LMLN: variants seen among roughly 807,000 people sequenced by gnomAD.
LMLN encodes leishmanolysin-like peptidase.
LMLN carries 70 observed loss-of-function variants against 92.3 expected under a neutral mutation model. The ratio of observed to expected loss-of-function variants is 0.76; its 90% CI spans 0.63 to 0.92. The LOEUF is 0.92. LMLN is among the 40% of genes least tolerant of loss of function. The pLI is 0.00. For synonymous variants in LMLN, 308 were observed against 296.2 expected, an observed-to-expected ratio of 1.04 and a Z score of -0.41; for missense variants, 691 against 814.6, an observed-to-expected ratio of 0.85 and a Z score of 1.85.
chr3:197,960,988 G>A (rs934633919), intron 1 of LMLN, among the ~76,000 whole-genome samples: 12 of 151,984 alleles, frequency 7.9e-5, no homozygotes, highest in Non-Finnish European at 2.9e-5. Flanking sequence ...TGCTTTACCC[G>A]GTTCCTCTGC....
chr3:197,988,357 A>C (rs914401066), intron 8 of LMLN, among the ~76,000 whole-genome samples: 3 of 150,258 alleles, frequency 2.0e-5, no homozygotes, highest in African/African-American at 7.4e-5. Context: ...GTAAATTATT[A>C]TTCGATTTCT....
chr3:198,008,865 A>C (rs1261542465), intron 11 of LMLN, among the ~76,000 whole-genome samples: 3 of 152,180 alleles, frequency 2.0e-5, no homozygotes, highest in Non-Finnish European at 4.4e-5. Flanking sequence ...AATATTTTTA[A>C]CTTTCTCTTG....
At chr3:198,020,531 G>A (rs989871598) in intron 12 of LMLN, among the ~76,000 whole-genome samples, 1 of 152,078 alleles carries the variant, frequency 6.6e-6, no homozygotes, top group Non-Finnish European at 1.5e-5. Flanking sequence ...GGTGGAAAAC[G>A]TGACATCTTT....
intron 11 of LMLN, among the ~76,000 whole-genome samples, chr3:198,013,846 C>T (rs1342362988): frequency 5.9e-5 from 8 of 135,248 alleles, no homozygotes; most frequent in African/African-American, 9.2e-5. Context: ...CTTCAGAGCC[C>T]CTTAACTAGT....
chr3:198,016,321 A>G (rs1013654703), intron 11 of LMLN, among the ~76,000 whole-genome samples: 1 of 152,180 alleles, frequency 6.6e-6, no homozygotes, highest in Non-Finnish European at 1.5e-5. Flanking sequence ...TTGTAACCCT[A>G]ATGTGAAGAT....
At chr3:197,995,822 TG>T (rs1249726739) in intron 9 of LMLN, among the ~76,000 whole-genome samples, 6 of 152,186 alleles carry the variant, frequency 3.9e-5, no homozygotes, top group African/African-American at 1.2e-4. Context: ...AACATCACTC[TG>T]TACTCCATAA....
At chr3:197,974,417 A>G (rs1334058445) in exon 2 of LMLN, 22 of 1,599,328 alleles carry the variant, frequency 1.4e-5, no homozygotes, top group Non-Finnish European at 1.9e-5. Flanking sequence ...CATGTGGTCA[A>G]GAGAGATGTT....
At chr3:198,011,369 C>G (rs1035399443) in intron 11 of LMLN, among the ~76,000 whole-genome samples, 9 of 149,876 alleles carry the variant, frequency 6.0e-5, no homozygotes, top group Non-Finnish European at 1.5e-5. Flanking sequence ...TGAGAACATG[C>G]GGTGTTTGTT....
chr3:198,022,331 CT>C (rs1400663214), intron 13 of LMLN, among the ~76,000 whole-genome samples: 1 of 152,128 alleles, frequency 6.6e-6, no homozygotes, highest in Non-Finnish European at 1.5e-5. Flanking sequence ...TACTAATTAC[CT>C]TTGTAAACAG....
intron 7 of LMLN, among the ~76,000 whole-genome samples, chr3:197,984,797 T>C (rs1232177886): frequency 6.6e-6 from 1 of 151,664 alleles, no homozygotes; most frequent in Non-Finnish European, 1.5e-5. Context: ...CACCTCAACC[T>C]CCAGAGTAGC....
chr3:198,006,263 A>G (rs1187051373), intron 11 of LMLN, among the ~76,000 whole-genome samples: 1 of 152,188 alleles, frequency 6.6e-6, no homozygotes, highest in African/African-American at 2.4e-5. Context: ...TTCACTTTTC[A>G]TGGCTGGTTA....
At chr3:198,035,761 G>A in intron 14 of LMLN, 72 bp from the exon 16 acceptor site, 1 of 1,179,682 alleles carries the variant, frequency 8.5e-7, no homozygotes, top group South Asian at 1.4e-5. Context: ...TGTAGTTGAA[G>A]GAGAAATCTC....
intron 1 of LMLN, among the ~76,000 whole-genome samples, chr3:197,965,639 G>C (rs952100886): frequency 6.6e-6 from 1 of 152,154 alleles, no homozygotes; most frequent in African/African-American, 2.4e-5. Flanking sequence ...TATTGGCCAA[G>C]TACAGTCACT....
rs961033426 is a variant in LMLN, at chr3:197,960,552, G to A, written c.219+112G>A. The stretch of plus-strand genomic sequence containing the variant: ...GTCCTGGATGAGAAAGCGAAATTGG[G>A]GCAGAGCCTGACTCTTACAGGCCTG... On this transcript the variant is annotated intron_variant, in intron 1 of 15. Coordinates refer to ENST00000330198, the Ensembl canonical transcript of LMLN. The A allele has an allele frequency of 1.3e-5, 13 of 975,102 alleles. No homozygotes were observed. In the African/African-American group the frequency reaches 2.4e-4, roughly 18 times the overall value. 60.4% of individuals were successfully genotyped at this position (975,102 alleles called of 1,614,324 possible).
chr3:198,006,147 A>G (rs747690557), intron 11 of LMLN, among the ~76,000 whole-genome samples: 9 of 152,140 alleles, frequency 5.9e-5, no homozygotes, highest in Non-Finnish European at 1.2e-4. Flanking sequence ...AACAACAAAA[A>G]TGTTACATGA....
chr3:197,996,388 T>G, intron 10 of LMLN, 106 bp downstream of exon 10: 1 of 632,762 alleles, frequency 1.6e-6, no homozygotes, highest in Non-Finnish European at 2.6e-6. Flanking sequence ...TTTACGTCCC[T>G]TTACCCCTTC....
At chr3:198,024,923 T>C in intron 14 of LMLN, 135 bp downstream of exon 15, 1 of 628,922 alleles carries the variant, frequency 1.6e-6, no homozygotes, top group Non-Finnish European at 2.4e-6. Flanking sequence ...TTTATGTAAA[T>C]ATTAGTTTGG....
At chr3:197,978,803 C>T (rs1231604760) in intron 5 of LMLN, among the ~76,000 whole-genome samples, 1 of 152,016 alleles carries the variant, frequency 6.6e-6, no homozygotes. Flanking sequence ...CCAGCCTGGC[C>T]AACACGGTGA....
intron 9 of LMLN, among the ~76,000 whole-genome samples, chr3:197,995,497 CCTAATGTTTTCACATTT>C (rs1721991293): frequency 1.3e-5 from 2 of 152,106 alleles, no homozygotes; most frequent in Non-Finnish European, 2.9e-5. Flanking sequence ...AAGACAAATA[CCTAATGTTTTCACATTT>C]CACATGTGAC....
Sources: gnomAD v4.1 joint callset for allele counts (sites outside exome capture counted in the v4.1 genomes callset) on GRCh38, gnomAD v4.1.1 for gene constraint, MANE v1.5 for transcripts, NCBI Gene and HGNC (gene_info 2026-07-23, HGNC 2026-07-21) for gene names.